The following MYO5C variants were observed in gnomAD, a reference collection of about 807,000 sequenced individuals.
MYO5C encodes myosin VC, also known as unconventional myosin-Vc.
MYO5C carries 194 observed loss-of-function variants against 235.7 expected under a neutral mutation model. The ratio of observed to expected loss-of-function variants is 0.82; its 90% CI spans 0.73 to 0.93. The LOEUF (loss-of-function observed/expected upper bound fraction) is 0.93. Ranked by LOEUF, MYO5C falls within the 40% of genes least tolerant of loss-of-function variation. MYO5C has a pLI of 0.00. For synonymous variants in MYO5C, 707 were observed against 754.8 expected (o/e 0.94, Z 1.04); for missense variants, 2,038 against 2,127.2 (o/e 0.96, Z 0.82).
intron 34 of MYO5C, among the ~76,000 whole-genome samples, chr15:52,212,672 A>C (rs2035470596): frequency 6.6e-6 from 1 of 152,004 alleles, no homozygotes; most frequent in African/African-American, 2.4e-5. Context: ...ATGACCACCA[A>C]CTCTTGAGCA....
intron 38 of MYO5C, among the ~76,000 whole-genome samples, chr15:52,201,654 C>T (rs1214361437): frequency 2.6e-5 from 4 of 152,116 alleles, no homozygotes; most frequent in Non-Finnish European, 4.4e-5. Context: ...GACTATTCTT[C>T]TCTTATTGAG....
At position 52,192,735 on chromosome 15, in the gene MYO5C, T is replaced by G. The variant is rs952244243; in HGVS notation, c.*1167A>C. 4 of 152,236 alleles carry G rather than the reference T, an allele frequency of 2.6e-5. No individual in the cohort carries two copies. The highest frequency in any genetic ancestry group is 7.2e-5 in the African/African-American group (3 of 41,450). 9.4% of individuals were successfully genotyped at this position (152,236 alleles called of 1,614,324 possible). On this transcript the variant is annotated 3_prime_UTR_variant, in exon 41 of 41. Transcript: ENST00000261839. ...CAAAAGTAGGGTCCGACACAATTTT[T>G]TAGTTACTTTTTGAGAAAATTTAAA...
At chr15:52,259,191 T>G (rs966218204) in intron 10 of MYO5C, among the ~76,000 whole-genome samples, 1 of 152,060 alleles carries the variant, frequency 6.6e-6, no homozygotes, top group Admixed American at 6.6e-5. Context: ...GAGGCCGAGA[T>G]GGACAGATCA....
intron 12 of MYO5C, 27 bp from the exon 13 acceptor site, chr15:52,251,542 C>G (rs776833823): frequency 6.4e-7 from 1 of 1,572,884 alleles, no homozygotes; most frequent in South Asian, 1.2e-5. Context: ...AACCAAATAG[C>G]AAGTAAGAAA....
intron 8 of MYO5C, among the ~76,000 whole-genome samples, chr15:52,267,136 A>C (rs1354635423): frequency 2.0e-5 from 3 of 152,188 alleles, no homozygotes; most frequent in Non-Finnish European, 2.9e-5. Context: ...AACATAACCT[A>C]AGTTGTGTGA....
At chr15:52,255,105 A>T (rs951207553) in intron 11 of MYO5C, among the ~76,000 whole-genome samples, 2 of 152,236 alleles carry the variant, frequency 1.3e-5, no homozygotes, top group African/African-American at 2.4e-5. Context: ...AAATTGATAC[A>T]TAATAGTTGT....
At chr15:52,203,003 G>A (rs2035223691) in intron 38 of MYO5C, among the ~76,000 whole-genome samples, 1 of 148,992 alleles carries the variant, frequency 6.7e-6, no homozygotes, top group South Asian at 2.1e-4. Flanking sequence ...TCACTGCAAC[G>A]TCTGCCTCCC....
rs147460631 is a variant in MYO5C at position 52,221,191 on chromosome 15, C to A, written c.3692G>T (p.Arg1231Leu). Residue 1231 changes from arginine (R) to leucine (L), a missense_variant, in exon 30 of 41, where the codon CGC (arginine) becomes CTC (leucine). By Grantham distance (102) the Arg-to-Leu change is moderately radical (BLOSUM62 -2). Coordinates refer to ENST00000261839, the MANE Select transcript of MYO5C (RefSeq NM_018728.4). ...CATTTTCTCAGCTTGTTCATTCAGG[C>A]GGATTTCAAGATCTTGCTTCTGTTT... ...LEKQKQDLEI[R>L]LNEQAEKMKG... 1 of 1,612,934 alleles carries A rather than the reference C, an allele frequency of 6.2e-7. No individual in the cohort carries two copies.
chr15:52,208,135 T>C (rs1211777532), intron 36 of MYO5C, among the ~76,000 whole-genome samples: 1 of 152,178 alleles, frequency 6.6e-6, no homozygotes, highest in Admixed American at 6.5e-5. Context: ...TGGAGAACTC[T>C]TTCATGACAT....
chr15:52,256,789 T>G, intron 10 of MYO5C, 69 bp from the exon 11 acceptor site: 3 of 1,225,482 alleles, frequency 2.4e-6, no homozygotes, highest in Non-Finnish European at 3.6e-6. Flanking sequence ...TATAGATATT[T>G]TTTGACACTT....
intron 25 of MYO5C, among the ~76,000 whole-genome samples, chr15:52,226,601 C>T (rs1411896268): frequency 2.0e-5 from 3 of 152,208 alleles, no homozygotes; most frequent in Non-Finnish European, 4.4e-5. Context: ...CCTAATCCTC[C>T]TAACAGGCCT....
Position 52,196,368 on chromosome 15 carries a change from T to C in MYO5C, c.4936A>G (p.Thr1646Ala). 1 of 1,614,120 alleles carries C rather than the reference T, an allele frequency of 6.2e-7. No homozygotes were observed. The highest frequency in any genetic ancestry group is 1.3e-5 in the African/African-American group (1 of 75,030). ...ATCTCCTTGGCATCACTGTCTGTGG[T>C]CTTCTTGACCTGAAGCAACCAGGCT... ...QAAWLLQVKK[T>A]TDSDAKEIYE... Residue 1646 changes from threonine (T) to alanine (A), a missense_variant, in exon 39 of 41, where the codon ACC (threonine) becomes GCC (alanine). Thr to Ala is a moderately conservative substitution (Grantham distance 58, BLOSUM62 0). Coordinates refer to ENST00000261839, the MANE Select transcript of MYO5C (RefSeq NM_018728.4).
intron 38 of MYO5C, among the ~76,000 whole-genome samples, chr15:52,202,967 C>T (rs1188601176): frequency 2.0e-5 from 3 of 149,654 alleles, no homozygotes; most frequent in Non-Finnish European, 4.4e-5. Flanking sequence ...GTCCCCCAGG[C>T]TGGAGTGCTG....
intron 28 of MYO5C, 64 bp from the exon 29 acceptor site, chr15:52,223,788 A>G: frequency 2.0e-6 from 3 of 1,467,854 alleles, no homozygotes; most frequent in Non-Finnish European, 9.2e-7. Context: ...GACTGCTGGG[A>G]GGCAGTTATG....
chr15:52,291,372 A>G (rs573647771), intron 1 of MYO5C, among the ~76,000 whole-genome samples: 4 of 152,240 alleles, frequency 2.6e-5, no homozygotes, highest in Non-Finnish European at 4.4e-5. Flanking sequence ...AGCAGCTGTC[A>G]AGCTCTCTGG....
intron 37 of MYO5C, chr15:52,205,406 A>C (rs1160101509): frequency 1.0e-5 from 5 of 496,872 alleles, no homozygotes; most frequent in Non-Finnish European, 1.8e-5. Context: ...CACAGGAAAG[A>C]AAGCTGCTTA....
intron 20 of MYO5C, among the ~76,000 whole-genome samples, chr15:52,240,091 CT>C (rs2036179226): frequency 6.6e-6 from 1 of 152,236 alleles, no homozygotes; most frequent in Non-Finnish European, 1.5e-5. Flanking sequence ...CTAGAACCCC[CT>C]GTCTCCAGGA....
rs201122601 is a variant in MYO5C, at chr15:52,214,656, A to G, written c.3989T>C (p.Val1330Ala). The change falls in exon 33 of 41, where the codon GTG becomes GCG. Residue 1330 changes from valine to alanine, a missense_variant. Physicochemically the swap from Val to Ala is moderately conservative, Grantham distance 64. Transcript: ENST00000261839. ...LEEELDMKDR[V>A]IKKLQDQVKT... Reference sequence around the variant, plus strand: ...GACTTGATCTTGTAGCTTTTTAATCACTCTGTCTTTCATGTCTAATTCTTC... The same window carrying G: ...GACTTGATCTTGTAGCTTTTTAATCGCTCTGTCTTTCATGTCTAATTCTTC... The G allele has an allele frequency of 1.3e-4, 206 of 1,607,294 alleles. No individual in the cohort carries two copies. Among genetic ancestry groups the G allele is most frequent in the Non-Finnish European group, 1.2e-4 (147 of 1,176,978 alleles).
rs1482475984 is a variant in MYO5C at position 52,264,316 on chromosome 15, C to A, written c.941-20G>T. 4 of 1,579,672 alleles carry A rather than the reference C, an allele frequency of 2.5e-6. No homozygotes were observed. The highest frequency in any genetic ancestry group is 1.7e-5 in the Admixed American group (1 of 59,462). ...TGAAACCTAAAAACAAACATTTTCC[C>A]AGATTAGAATACTGCATCTCTTCTC... On this transcript the variant is annotated intron_variant, in intron 8 of 40. Transcript: ENST00000261839.
Sources: allele counts gnomAD v4.1 joint callset (sites outside exome capture counted in the v4.1 genomes callset), GRCh38; gene constraint gnomAD v4.1.1; transcripts MANE v1.5; gene names NCBI Gene and HGNC (gene_info 2026-07-23, HGNC 2026-07-21).